The following MAOB variants were observed in gnomAD, a reference collection of about 807,000 sequenced individuals.
The protein encoded by MAOB is amine oxidase [flavin-containing] B.
In MAOB, 15 loss-of-function variants were observed where a neutral mutation model predicts 41.9. That is an observed-to-expected ratio of 0.36 (90% CI 0.24 to 0.55). MAOB has a LOEUF of 0.55. Ranked by LOEUF, MAOB falls within the 20% of genes least tolerant of loss-of-function variation. MAOB has a pLI of 0.86. For synonymous variants in MAOB, 167 were observed against 144.2 expected (o/e 1.16, Z -1.13); for missense variants, 345 against 398.7 (o/e 0.87, Z 1.15).
intron 1 of MAOB, chrX:43,844,706 T>C (rs2035181025): frequency 1.8e-5 from 2 of 112,663 alleles, no homozygotes; most frequent in Non-Finnish European, 3.7e-5. Flanking sequence ...TCACTCTCTC[T>C]TCTGGAGCGG....
At chrX:43,825,024 A>G (rs993395481) in intron 3 of MAOB, among the ~76,000 whole-genome samples, 5 of 112,681 alleles carry the variant, frequency 4.4e-5, no homozygotes, top group African/African-American at 1.6e-4. Context: ...GCCCTATGCC[A>G]TTTAGCCCTG....
intron 3 of MAOB, among the ~76,000 whole-genome samples, chrX:43,810,511 T>C (rs183115121): frequency 1.8e-5 from 2 of 110,499 alleles, no homozygotes; most frequent in African/African-American, 6.6e-5. Flanking sequence ...ATTTATAAGA[T>C]GGCAAGTATA....
intron 3 of MAOB, among the ~76,000 whole-genome samples, chrX:43,812,769 T>C (rs2034764793): frequency 8.9e-6 from 1 of 112,491 alleles, no homozygotes; most frequent in African/African-American, 3.2e-5. Context: ...CACCATCACA[T>C]GGGTGAAACT....
chrX:43,832,867 A>G (rs1385157948), intron 3 of MAOB, among the ~76,000 whole-genome samples: 1 of 111,687 alleles, frequency 9.0e-6, no homozygotes, highest in Non-Finnish European at 1.9e-5. Context: ...AAGAATAATC[A>G]GGAAGGTGAG....
intron 5 of MAOB, among the ~76,000 whole-genome samples, chrX:43,801,486 A>G (rs2034595099): frequency 9.0e-6 from 1 of 111,140 alleles, no homozygotes; most frequent in South Asian, 3.9e-4. Context: ...TATTTTGTTT[A>G]CCACAAATTT....
intron 8 of MAOB, among the ~76,000 whole-genome samples, chrX:43,792,744 T>C (rs1051246529): frequency 5.4e-5 from 6 of 112,007 alleles, no homozygotes; most frequent in Admixed American, 1.9e-4. Flanking sequence ...TGTAAATTAG[T>C]TAAGCCACTG....
intron 12 of MAOB, among the ~76,000 whole-genome samples, chrX:43,772,042 T>C (rs1236414211): frequency 8.9e-6 from 1 of 111,864 alleles, no homozygotes; most frequent in Non-Finnish European, 1.9e-5. Flanking sequence ...TTAAGAAATG[T>C]ATATTTAGTT....
Position 43,782,398 on chromosome X carries a change from G to A in MAOB, c.929-854C>T, listed in dbSNP as rs772127234. Among the ~76,000 whole-genome samples, 164 of 111,367 alleles carry A rather than the reference G, an allele frequency of 1.5e-3. 2 individuals are homozygous for A. Among genetic ancestry groups the A allele is most frequent in the African/African-American group, 5.3e-3 (161 of 30,606 alleles). ...ATAAACTAGAAAATCTAGAAGAAAT[G>A]GATAAATTCCTGGACACATACACCC... On this transcript the variant is annotated intron_variant, in intron 8 of 14. Coordinates refer to ENST00000378069, the MANE Select transcript of MAOB (RefSeq NM_000898.5).
chrX:43,776,233 A>G (rs762888035), intron 11 of MAOB, among the ~76,000 whole-genome samples: 1 of 112,544 alleles, frequency 8.9e-6, no homozygotes, highest in Non-Finnish European at 1.9e-5. Context: ...TCTTCCTTCC[A>G]CAAAATAGAC....
chrX:43,814,754 G>A (rs1183178222), intron 3 of MAOB, among the ~76,000 whole-genome samples: 1 of 111,953 alleles, frequency 8.9e-6, no homozygotes, highest in Non-Finnish European at 1.9e-5. Flanking sequence ...GGAAATGGAT[G>A]GATGAATGAA....
At chrX:43,862,961 T>C (rs2035342207) in intron 1 of MAOB, among the ~76,000 whole-genome samples, 1 of 111,742 alleles carries the variant, frequency 8.9e-6, no homozygotes, top group African/African-American at 3.3e-5. Context: ...TAACCATTTT[T>C]CACCTCCCAA....
intron 3 of MAOB, among the ~76,000 whole-genome samples, chrX:43,822,999 T>C (rs2034900830): frequency 9.1e-6 from 1 of 109,722 alleles, no homozygotes; most frequent in South Asian, 3.9e-4. Context: ...TCAACAACCC[T>C]ATAAGCAAGG....
rs1298437740 is a variant in MAOB, at chrX:43,838,960, G to A, written c.187C>T (p.Pro63Ser). The change falls in exon 3 of 15, where the codon CCA becomes TCA. Residue 63 changes from proline (P) to serine (S), a missense_variant. Coordinates refer to ENST00000378069, the MANE Select transcript of MAOB (RefSeq NM_000898.5). ...AATCTCAAGATACGATTCTGGGTTG[G>A]TCCAACATAGGATCCTCCAAGGTCC... ...YVDLGGSYVG[P>S]TQNRILRLAK... 1 of 1,199,435 alleles carries A rather than the reference G, an allele frequency of 8.3e-7. No homozygotes were observed. Among genetic ancestry groups the A allele is most frequent in the African/African-American group, 1.8e-5 (1 of 56,730 alleles).
intron 10 of MAOB, among the ~76,000 whole-genome samples, chrX:43,779,308 G>A (rs570805904): frequency 1.1e-3 from 119 of 111,910 alleles, no homozygotes; most frequent in Middle Eastern, 4.7e-3. Flanking sequence ...ATAGCTGCTC[G>A]TGAAAGAAAT....
At chrX:43,821,582 C>A (rs2034881494) in intron 3 of MAOB, among the ~76,000 whole-genome samples, 1 of 111,491 alleles carries the variant, frequency 9.0e-6, no homozygotes, top group African/African-American at 3.3e-5. Flanking sequence ...GTACAATATA[C>A]AAGGATGGAT....
chrX:43,834,263 C>G (rs1423158490), intron 3 of MAOB, among the ~76,000 whole-genome samples: 1 of 111,192 alleles, frequency 9.0e-6, no homozygotes, highest in East Asian at 2.9e-4. Flanking sequence ...AGACTTCTGT[C>G]TTTATGAGAG....
intron 10 of MAOB, among the ~76,000 whole-genome samples, chrX:43,779,228 G>T (rs2034299092): frequency 8.9e-6 from 1 of 111,837 alleles, no homozygotes; most frequent in Non-Finnish European, 1.9e-5. Flanking sequence ...AGGAAATTTA[G>T]AATTCATAAA....
At chrX:43,807,905 C>A (rs867409380) in intron 3 of MAOB, among the ~76,000 whole-genome samples, 1 of 111,653 alleles carries the variant, frequency 9.0e-6, no homozygotes, top group Middle Eastern at 4.6e-3. Flanking sequence ...GATTTATAAA[C>A]TGATCTTTTG....
chrX:43,785,906 A>C (rs1247582661), intron 8 of MAOB, among the ~76,000 whole-genome samples: 1 of 112,189 alleles, frequency 8.9e-6, no homozygotes, highest in Admixed American at 9.4e-5. Context: ...CACTGATCAC[A>C]GATCACCATG....
Sources: allele counts gnomAD v4.1 joint callset (sites outside exome capture counted in the v4.1 genomes callset), GRCh38; gene constraint gnomAD v4.1.1; transcripts MANE v1.5; gene names NCBI Gene and HGNC (gene_info 2026-07-23, HGNC 2026-07-21).